The following SNTG1 variants were observed in gnomAD, a reference collection of about 807,000 sequenced individuals.
The protein encoded by SNTG1 is gamma-1-syntrophin.
Under a neutral mutation model 74.7 loss-of-function variants are expected in SNTG1, and 39 were observed. That is an observed-to-expected ratio of 0.52 (90% confidence interval 0.40 to 0.68). The LOEUF (loss-of-function observed/expected upper bound fraction) is 0.68. Ranked by LOEUF, SNTG1 falls within the 30% of genes least tolerant of loss-of-function variation. SNTG1 has a pLI of 0.00. For missense variants in SNTG1, 685 were observed against 609.5 expected (o/e 1.12, Z -1.30); for synonymous variants, 254 against 217.1 (o/e 1.17, Z -1.49).
At chr8:49,943,038 A>C (rs528398989) in intron 1 of SNTG1, among the ~76,000 whole-genome samples, 2 of 152,348 alleles carry the variant, frequency 1.3e-5, no homozygotes, top group Non-Finnish European at 1.5e-5. Context: ...AAATCTAATC[A>C]TTCATTGTAT....
intron 12 of SNTG1, among the ~76,000 whole-genome samples, chr8:50,581,591 C>A (rs1471300089): frequency 6.6e-6 from 1 of 152,018 alleles, no homozygotes; most frequent in East Asian, 1.9e-4. Context: ...TTACTATTGT[C>A]AATCTAAAAA....
In SNTG1 at chr8:50,795,059, T is replaced by G. The variant is rs2095701536; in HGVS notation, c.*2230T>G. 7.4e-6 allele frequency: 1 copy of G among 134,996 alleles called. No homozygotes were observed. Among genetic ancestry groups the G allele is most frequent in the Non-Finnish European group, 1.6e-5 (1 of 60,768 alleles). The allele number at this position is 134,996 out of a possible 1,614,324, so 8.4% of individuals were successfully genotyped here. On this transcript the variant is annotated 3_prime_UTR_variant, in exon 19 of 19. Coordinates refer to ENST00000642720, the MANE Select transcript of SNTG1 (RefSeq NM_018967.5). ...CTACATATGTATTTATATGCATACATGGGTGTATATATATATAAATATAAT... is the reference window on the plus strand; with the variant it reads ...CTACATATGTATTTATATGCATACAGGGGTGTATATATATATAAATATAAT...
chr8:50,074,106 T>A (rs203938), intron 1 of SNTG1, among the ~76,000 whole-genome samples: 94,184 of 151,636 alleles, frequency 0.62, 29,596 homozygotes, highest in East Asian at 0.84. Flanking sequence ...TCTTCCAATA[T>A]AAGGCTGTTT....
chr8:50,158,800 C>A (rs1380519006), intron 1 of SNTG1, among the ~76,000 whole-genome samples: 1 of 152,072 alleles, frequency 6.6e-6, no homozygotes, highest in Non-Finnish European at 1.5e-5. Flanking sequence ...GGCCTTGATG[C>A]ACATGTGTAA....
At chr8:50,359,350 T>C (rs1442656807) in intron 2 of SNTG1, among the ~76,000 whole-genome samples, 2 of 152,212 alleles carry the variant, frequency 1.3e-5, no homozygotes, top group African/African-American at 4.8e-5. Context: ...GTATTTGACA[T>C]CTGAACCAAG....
chr8:50,780,842 A>C lies in SNTG1; in HGVS notation c.1396-11829A>C, dbSNP rs1304579381. ...TCCTGCTTTCTCTTGTGGGCATTTA[A>C]TGCTATAAATTTCCCTCTACACACT... is the stretch of plus-strand genomic sequence containing the variant. On this transcript the variant is annotated intron_variant, in intron 18 of 18. Coordinates refer to ENST00000642720, the MANE Select transcript of SNTG1 (RefSeq NM_018967.5). 3.9e-5 allele frequency among the ~76,000 whole-genome samples: 6 copies of C among 152,112 alleles called. No homozygotes were observed. The South Asian group carries it at 1.2e-3, about 32-fold the overall frequency.
chr8:50,416,290 A>T (rs1422689253), intron 4 of SNTG1, among the ~76,000 whole-genome samples: 1 of 152,246 alleles, frequency 6.6e-6, no homozygotes, highest in East Asian at 1.9e-4. Flanking sequence ...ATAGTCACAC[A>T]TGTGCACATG....
intron 15 of SNTG1, among the ~76,000 whole-genome samples, chr8:50,702,554 T>C (rs2095429789): frequency 1.3e-5 from 2 of 152,242 alleles, no homozygotes; most frequent in Non-Finnish European, 2.9e-5. Flanking sequence ...ATTTTGGGTG[T>C]TTAATAATGA....
intron 1 of SNTG1, among the ~76,000 whole-genome samples, chr8:50,038,345 C>T (rs1315235462): frequency 6.6e-6 from 1 of 152,138 alleles, no homozygotes; most frequent in Non-Finnish European, 1.5e-5. Flanking sequence ...TCTCTTAGTG[C>T]AATCCAAGAT....
At chr8:50,260,600 A>G (rs537557744) in intron 2 of SNTG1, among the ~76,000 whole-genome samples, 40 of 152,198 alleles carry the variant, frequency 2.6e-4, no homozygotes, top group African/African-American at 8.9e-4. Context: ...AATAAGCATA[A>G]GAACCAGAAT....
intron 2 of SNTG1, among the ~76,000 whole-genome samples, chr8:50,303,736 G>A (rs1165374314): frequency 1.3e-5 from 2 of 152,018 alleles, no homozygotes; most frequent in Admixed American, 6.6e-5. Context: ...GTTTTAGCTT[G>A]TGAGATTCAT....
In SNTG1 at chr8:50,642,326, T is replaced by TTTAC. The variant is rs1320255028; in HGVS notation, c.850-14581_850-14580insACTT. Among the ~76,000 whole-genome samples, 3 of 152,276 alleles carry TTTAC rather than the reference T, an allele frequency of 2.0e-5. No homozygotes were observed. The East Asian group carries it at 5.8e-4, about 29-fold the overall frequency. ...CATTCTAAACAGGCCTTCTTGCTTC[T>TTTAC]TTTCTTTCTTTCTCTTCAGGCAAGC... On this transcript the variant is annotated intron_variant, in intron 13 of 18. Transcript: ENST00000642720.
chr8:50,290,783 G>A (rs1045728594), intron 2 of SNTG1, among the ~76,000 whole-genome samples: 23 of 151,910 alleles, frequency 1.5e-4, no homozygotes, highest in African/African-American at 5.1e-4. Context: ...TTTTGAGACA[G>A]GGTCTCTGTT....
chr8:50,757,555 A>G (rs1262672190), intron 18 of SNTG1, among the ~76,000 whole-genome samples: 1 of 151,826 alleles, frequency 6.6e-6, no homozygotes, highest in African/African-American at 2.4e-5. Context: ...TTTAATCCAT[A>G]TATGCCTTTA....
chr8:50,607,775 C>T (rs2094823272), intron 13 of SNTG1, among the ~76,000 whole-genome samples: 1 of 151,000 alleles, frequency 6.6e-6, no homozygotes, highest in Non-Finnish European at 1.5e-5. Flanking sequence ...GTTTAATTTA[C>T]TCTTCTTTTT....
At chr8:50,716,472 GTTC>G (rs1563776424) in intron 17 of SNTG1, among the ~76,000 whole-genome samples, 2 of 151,580 alleles carry the variant, frequency 1.3e-5, no homozygotes, top group African/African-American at 4.8e-5. Context: ...TAATTTTTAT[GTTC>G]TTCTTCAGAT....
At chr8:50,103,838 G>T (rs1373508959) in intron 1 of SNTG1, among the ~76,000 whole-genome samples, 1 of 152,074 alleles carries the variant, frequency 6.6e-6, no homozygotes, top group Admixed American at 6.6e-5. Flanking sequence ...TTTGTCTTTG[G>T]TTCTGTTTAT....
At chr8:50,294,866 A>C (rs980156248) in intron 2 of SNTG1, among the ~76,000 whole-genome samples, 3 of 152,192 alleles carry the variant, frequency 2.0e-5, no homozygotes, top group African/African-American at 7.2e-5. Flanking sequence ...TCAGTGGAGC[A>C]GATGTGCAGG....
chr8:50,072,476 T>C (rs1020119207), intron 1 of SNTG1, among the ~76,000 whole-genome samples: 1 of 152,184 alleles, frequency 6.6e-6, no homozygotes, highest in Non-Finnish European at 1.5e-5. Flanking sequence ...TTGCCTGAGC[T>C]CAGGCGTTTT....
Sources: allele counts gnomAD v4.1 joint callset (sites outside exome capture counted in the v4.1 genomes callset), GRCh38; gene constraint gnomAD v4.1.1; transcripts MANE v1.5; gene names NCBI Gene and HGNC (gene_info 2026-07-23, HGNC 2026-07-21).